Variants in KCNIP4 observed in about 807,000 individuals in gnomAD.
KCNIP4 encodes the protein Kv channel-interacting protein 4.
A neutral mutation model predicts 34.0 loss-of-function variants in KCNIP4; 12 were observed. The observed-to-expected ratio is 0.35, with a 90% CI of 0.23 to 0.57. KCNIP4 has a LOEUF of 0.57. KCNIP4 is among the 20% of genes least tolerant of loss of function. KCNIP4 has a pLI of 0.83. For missense variants in KCNIP4, 238 were observed against 311.7 expected (o/e 0.76, Z 1.78); for synonymous variants, 124 against 102.2 (o/e 1.21, Z -1.29).
intron 1 of KCNIP4, among the ~76,000 whole-genome samples, chr4:21,148,056 A>G (rs763674542): frequency 7.1e-4 from 108 of 151,960 alleles, no homozygotes; most frequent in Non-Finnish European, 1.4e-3. Flanking sequence ...CCTCCAAATC[A>G]TAGACCAAAG....
At chr4:20,996,701 C>A (rs1458400558) in intron 1 of KCNIP4, among the ~76,000 whole-genome samples, 1 of 152,154 alleles carries the variant, frequency 6.6e-6, no homozygotes, top group East Asian at 1.9e-4. Flanking sequence ...CCTGGTTCCT[C>A]TTGATCAAAT....
At chr4:20,947,004 G>C (rs1732257736) in intron 1 of KCNIP4, among the ~76,000 whole-genome samples, 1 of 152,140 alleles carries the variant, frequency 6.6e-6, no homozygotes, top group African/African-American at 2.4e-5. Context: ...GCTGCCAGCT[G>C]TGAACGTCCT....
At chr4:21,806,194 G>A (rs887686946) in intron 1 of KCNIP4, among the ~76,000 whole-genome samples, 2 of 152,068 alleles carry the variant, frequency 1.3e-5, no homozygotes, top group African/African-American at 4.8e-5. Flanking sequence ...GTTTTTTAAG[G>A]TACAGTCCCA....
At chr4:21,020,789 A>C (rs1739962545) in intron 1 of KCNIP4, among the ~76,000 whole-genome samples, 1 of 152,216 alleles carries the variant, frequency 6.6e-6, no homozygotes, top group African/African-American at 2.4e-5. Flanking sequence ...GAATAGAGAC[A>C]ATTTTAAAGA....
At chr4:21,355,433 G>A (rs543505745) in intron 1 of KCNIP4, among the ~76,000 whole-genome samples, 6 of 149,638 alleles carry the variant, frequency 4.0e-5, no homozygotes, top group Non-Finnish European at 8.9e-5. Context: ...AAAGAGAGAA[G>A]AATCAAATAG....
chr4:21,909,332 C>T (rs890187733), intron 1 of KCNIP4, among the ~76,000 whole-genome samples: 1 of 152,072 alleles, frequency 6.6e-6, no homozygotes, highest in Non-Finnish European at 1.5e-5. Context: ...TCAGCCCAGG[C>T]TTCTCCCCCT....
At chr4:21,719,598 G>GT (rs1237085753) in intron 1 of KCNIP4, among the ~76,000 whole-genome samples, 1 of 152,170 alleles carries the variant, frequency 6.6e-6, no homozygotes, top group Non-Finnish European at 1.5e-5. Context: ...GTGTGGTTCA[G>GT]TAGAGTCTAG....
chr4:21,066,978 T>C (rs1213888644), intron 1 of KCNIP4, among the ~76,000 whole-genome samples: 4 of 152,000 alleles, frequency 2.6e-5, no homozygotes, highest in Non-Finnish European at 5.9e-5. Context: ...AGTTCACAGC[T>C]CCAAAAGAGA....
chr4:21,142,151 A>C (rs28405397), intron 1 of KCNIP4, among the ~76,000 whole-genome samples: 23 of 19,070 alleles, frequency 1.2e-3, no homozygotes, highest in African/African-American at 5.9e-3. Context: ...ACACCGTCTC[A>C]AAAAAAAAAA....
intron 1 of KCNIP4, among the ~76,000 whole-genome samples, chr4:21,092,553 A>G (rs915911684): frequency 6.6e-6 from 1 of 152,208 alleles, no homozygotes; most frequent in South Asian, 2.1e-4. Context: ...CCATTTGTTT[A>G]AAGTTCTGTG....
At chr4:21,790,098 G>C (rs573136875) in intron 1 of KCNIP4, among the ~76,000 whole-genome samples, 4 of 152,286 alleles carry the variant, frequency 2.6e-5, no homozygotes, top group African/African-American at 9.6e-5. Flanking sequence ...TATGTGGATG[G>C]GCAAATGAGA....
chr4:21,881,420 T>C (rs150052183), intron 1 of KCNIP4, among the ~76,000 whole-genome samples: 3 of 152,240 alleles, frequency 2.0e-5, no homozygotes, highest in Admixed American at 2.0e-4. Context: ...AAATAGTAAA[T>C]ATTATTTTCA....
At chr4:20,927,842 A>T (rs1380694846) in intron 1 of KCNIP4, among the ~76,000 whole-genome samples, 5 of 152,084 alleles carry the variant, frequency 3.3e-5, no homozygotes, top group African/African-American at 1.2e-4. Context: ...TAGATTTTTT[A>T]AGTGTATTTT....
chr4:21,916,189 C>A (rs1250504140), intron 1 of KCNIP4, among the ~76,000 whole-genome samples: 1 of 152,192 alleles, frequency 6.6e-6, no homozygotes, highest in African/African-American at 2.4e-5. Context: ...CTATATGTGC[C>A]ACTGGAGTAC....
intron 3 of KCNIP4, among the ~76,000 whole-genome samples, chr4:20,804,828 T>C (rs982679754): frequency 4.6e-5 from 7 of 152,160 alleles, no homozygotes; most frequent in African/African-American, 9.7e-5. Context: ...ATGAAAGTCA[T>C]AGGGAATGGA....
At chr4:21,942,682 T>C (rs1026268565) in intron 1 of KCNIP4, among the ~76,000 whole-genome samples, 1 of 152,260 alleles carries the variant, frequency 6.6e-6, no homozygotes, top group Non-Finnish European at 1.5e-5. Context: ...ACTTTGGTCT[T>C]TGGTGGGTCT....
intron 1 of KCNIP4, among the ~76,000 whole-genome samples, chr4:21,941,563 G>A (rs1427593777): frequency 6.6e-6 from 1 of 150,840 alleles, no homozygotes; most frequent in Non-Finnish European, 1.5e-5. Flanking sequence ...GAATACAAAA[G>A]GGGACATTTC....
intron 1 of KCNIP4, among the ~76,000 whole-genome samples, chr4:21,087,985 T>C (rs1746620432): frequency 6.6e-6 from 1 of 152,220 alleles, no homozygotes; most frequent in Non-Finnish European, 1.5e-5. Context: ...TATGGCTTCA[T>C]TGGTCATGCC....
chr4:21,729,889 A>T (rs1010654464), intron 1 of KCNIP4: 2 of 152,206 alleles, frequency 1.3e-5, no homozygotes, highest in African/African-American at 4.8e-5. Flanking sequence ...AAAGTTTAAT[A>T]AATCATAAAT....
Sources: allele counts gnomAD v4.1 joint callset (sites outside exome capture counted in the v4.1 genomes callset), GRCh38; gene constraint gnomAD v4.1.1; transcripts MANE v1.5; gene names NCBI Gene and HGNC (gene_info 2026-07-23, HGNC 2026-07-21).